The following TCF24 variants were observed in gnomAD, a reference collection of about 807,000 sequenced individuals.
The protein encoded by TCF24 is transcription factor 24.
A neutral mutation model predicts 9.3 loss-of-function variants in TCF24; 5 were observed. The observed-to-expected ratio is 0.54, with a 90% CI of 0.28 to 1.13. The LOEUF is 1.13. TCF24 is among the 50% of genes most tolerant of loss of function. The pLI is 0.09. For synonymous variants in TCF24, 110 were observed against 115.8 expected, an observed-to-expected ratio of 0.95 and a Z score of 0.32; for missense variants, 220 against 236.1, an observed-to-expected ratio of 0.93 and a Z score of 0.45.
Position 66,958,057 on chromosome 8 carries a change from AAAAT to A in TCF24, c.390+3315_390+3318del, listed in dbSNP as rs773100262. Among the ~76,000 whole-genome samples, 5 of 152,196 alleles carry A rather than the reference AAAAT, an allele frequency of 3.3e-5. No homozygotes were observed. In the East Asian group the frequency reaches 7.7e-4, roughly 23 times the overall value. ...TGTGCCTCCTTTTTCATGGATTAAT[AAAAT>A]AAATATTCTTTTTTAAGAATATTGT... is the stretch of plus-strand genomic sequence containing the variant. On this transcript the variant is annotated intron_variant, in intron 3 of 3. Coordinates refer to ENST00000563496, the MANE Select transcript of TCF24 (RefSeq NM_001193502.2).
intron 3 of TCF24, among the ~76,000 whole-genome samples, chr8:66,956,738 T>G (rs1377018673): frequency 1.3e-5 from 2 of 152,196 alleles, no homozygotes; most frequent in Non-Finnish European, 2.9e-5. Flanking sequence ...CAGATTAAAG[T>G]CCTTCATTAT....
chr8:66,956,907 A>C (rs1267276232), intron 3 of TCF24, among the ~76,000 whole-genome samples: 1 of 151,928 alleles, frequency 6.6e-6, no homozygotes, highest in Non-Finnish European at 1.5e-5. Context: ...ATACCCATTT[A>C]AGAAGAGGAG....
intron 3 of TCF24, among the ~76,000 whole-genome samples, chr8:66,952,997 G>A (rs1335533010): frequency 7.2e-4 from 97 of 134,568 alleles, no homozygotes; most frequent in African/African-American, 2.4e-3. Context: ...GTCTCTGCAC[G>A]TGAGATGGGT....
intron 3 of TCF24, among the ~76,000 whole-genome samples, chr8:66,953,396 TTTTC>T (rs1814089567): frequency 6.6e-6 from 1 of 152,000 alleles, no homozygotes; most frequent in South Asian, 2.1e-4. Context: ...TTGAAAATTC[TTTTC>T]TTTAAGAATG....
chr8:66,948,108 A>T lies in TCF24; in HGVS notation c.447T>A (p.His149Gln), dbSNP rs1375621965. 6.5e-7 allele frequency: 1 copy of T among 1,535,208 alleles called. No homozygotes were observed. Among genetic ancestry groups the T allele is most frequent in the African/African-American group, 1.4e-5 (1 of 73,042 alleles). ...YIGATGQFLK[H>Q]SVSGEKTNHD... ...GATTTGTTTTTTCTCCAGAAACAGA[A>T]TGCTTCAGAAACTGACCAGTAGCAC... The change falls in exon 4 of 4, where the codon CAT becomes CAA. Residue 149 changes from histidine to glutamine, a missense_variant. His to Gln is a conservative substitution (Grantham distance 24). Transcript: ENST00000563496.
intron 3 of TCF24, among the ~76,000 whole-genome samples, 188 bp downstream of exon 3, chr8:66,961,188 G>A (rs1428487520): frequency 6.6e-6 from 1 of 152,178 alleles, no homozygotes; most frequent in African/African-American, 2.4e-5. Context: ...CCTGTGAACC[G>A]CGAAGGAGCC....
chr8:66,957,477 G>A (rs1814178423), intron 3 of TCF24, among the ~76,000 whole-genome samples: 1 of 151,058 alleles, frequency 6.6e-6, no homozygotes, highest in Non-Finnish European at 1.5e-5. Context: ...GAGGCCAAGT[G>A]AGAACACAGA....
chr8:66,960,983 G>C (rs1563408320), intron 3 of TCF24, among the ~76,000 whole-genome samples: 1 of 152,138 alleles, frequency 6.6e-6, no homozygotes, highest in Non-Finnish European at 1.5e-5. Context: ...CAATGAAAGC[G>C]TAATTATGTA....
Position 66,961,716 on chromosome 8 carries a change from G to A in TCF24, c.50C>T (p.Pro17Leu). Residue 17 changes from proline (P) to leucine (L), a missense_variant, in exon 3 of 4, where the codon CCC becomes CTC. Coordinates refer to ENST00000563496, the MANE Select transcript of TCF24 (RefSeq NM_001193502.2). ...AGSPLSASAE[P>L]APLAAAIRDS... ...GCGGATGGCGGCGGCCAGGGGCGCGGGCTCGGCGCTGGCGCTGAGGGGGCT... is the reference window on the plus strand; with the variant it reads ...GCGGATGGCGGCGGCCAGGGGCGCGAGCTCGGCGCTGGCGCTGAGGGGGCT... 9.1e-7 allele frequency: 1 copy of A among 1,100,970 alleles called. No individual in the cohort carries two copies. The highest frequency in any genetic ancestry group is 4.4e-5 in the South Asian group (1 of 22,892). 68.2% of individuals were successfully genotyped at this position (1,100,970 alleles called of 1,614,324 possible). A position where few individuals can be genotyped will look rare whatever the true frequency, so the allele number is the denominator to read the frequency against.
At chr8:66,955,669 G>A (rs531475027) in intron 3 of TCF24, among the ~76,000 whole-genome samples, 2 of 152,206 alleles carry the variant, frequency 1.3e-5, no homozygotes, top group East Asian at 3.9e-4. Flanking sequence ...AAATACTGAT[G>A]GCAAAGTCAC....
At chr8:66,959,422 G>A (rs192854192) in intron 3 of TCF24, among the ~76,000 whole-genome samples, 45 of 152,308 alleles carry the variant, frequency 3.0e-4, no homozygotes, top group African/African-American at 1.0e-3. Flanking sequence ...ATCAAAGGTA[G>A]ACAATGTTTA....
rs1312435431 is a variant in TCF24, at chr8:66,946,931, G to A, written c.*1120C>T. ...ATTTAGTGTTTACAATTCAGTTTGAGGTAACTTTGAAGAAGTTTTGATTTC... is the reference window on the plus strand; with the variant it reads ...ATTTAGTGTTTACAATTCAGTTTGAAGTAACTTTGAAGAAGTTTTGATTTC... On this transcript the variant is annotated 3_prime_UTR_variant, in exon 4 of 4. Transcript: ENST00000563496. 1 of 152,052 alleles carries A rather than the reference G, an allele frequency of 6.6e-6. No homozygotes were observed. The highest frequency in any genetic ancestry group is 2.4e-5 in the African/African-American group (1 of 41,408). 9.4% of individuals were successfully genotyped at this position (152,052 alleles called of 1,614,324 possible).
At chr8:66,957,839 T>C (rs2130901590) in intron 3 of TCF24, among the ~76,000 whole-genome samples, 2 of 141,454 alleles carry the variant, frequency 1.4e-5, no homozygotes, top group East Asian at 4.1e-4. Flanking sequence ...TACTACTGAA[T>C]GCTCTACTGG....
intron 3 of TCF24, among the ~76,000 whole-genome samples, 161 bp from the exon 4 acceptor site, chr8:66,948,325 G>A (rs1209938306): frequency 2.0e-5 from 3 of 152,092 alleles, no homozygotes; most frequent in Non-Finnish European, 4.4e-5. Context: ...AAGAAAAAAT[G>A]TTTATTAATG....
chr8:66,961,896 AG>A lies in TCF24; in HGVS notation c.-44del. 1 of 803,456 alleles carries A rather than the reference AG, an allele frequency of 1.2e-6. No homozygotes were observed. 49.8% of individuals were successfully genotyped at this position (803,456 alleles called of 1,614,324 possible). A position where few individuals can be genotyped will look rare whatever the true frequency, so the allele number is the denominator to read the frequency against. On this transcript the variant is annotated 5_prime_UTR_variant, in exon 2 of 4. Coordinates refer to ENST00000563496, the MANE Select transcript of TCF24 (RefSeq NM_001193502.2). ...GCCCACCAGCAGCCCAACGGGGCTA[AG>A]GGCGCTCTCAAGCGAGCTCGTTTTG...
At chr8:66,948,654 ACTATCTATCTATCTAT>A (rs10524696) in intron 3 of TCF24, among the ~76,000 whole-genome samples, 49 of 146,648 alleles carry the variant, frequency 3.3e-4, no homozygotes, top group South Asian at 1.1e-3. Flanking sequence ...AAAAGTGTCA[ACTATCTATCTATCTAT>A]CTATCTATCT....
At chr8:66,958,142 A>C (rs1814193644) in intron 3 of TCF24, among the ~76,000 whole-genome samples, 1 of 152,170 alleles carries the variant, frequency 6.6e-6, no homozygotes, top group South Asian at 2.1e-4. Context: ...TTTAATGTAG[A>C]CACACAGTTT....
chr8:66,954,167 G>A (rs927567285), intron 3 of TCF24, among the ~76,000 whole-genome samples: 1 of 152,212 alleles, frequency 6.6e-6, no homozygotes, highest in Non-Finnish European at 1.5e-5. Context: ...AGGAGGAGAG[G>A]TGCTCTGCAT....
At chr8:66,950,591 T>A (rs1294498238) in intron 3 of TCF24, among the ~76,000 whole-genome samples, 1 of 152,044 alleles carries the variant, frequency 6.6e-6, no homozygotes, top group Non-Finnish European at 1.5e-5. Context: ...TTTGGTTCCA[T>A]ATGAACTTTA....
Sources: gnomAD v4.1 joint callset for allele counts (sites outside exome capture counted in the v4.1 genomes callset) on GRCh38, gnomAD v4.1.1 for gene constraint, MANE v1.5 for transcripts, NCBI Gene and HGNC (gene_info 2026-07-23, HGNC 2026-07-21) for gene names.